Variants in CRACD observed in about 807,000 individuals in gnomAD.
The protein encoded by CRACD is capping protein inhibiting regulator of actin dynamics.
A neutral mutation model predicts 106.8 loss-of-function variants in CRACD; 56 were observed. The ratio of observed to expected loss-of-function variants is 0.52; its 90% CI spans 0.42 to 0.66. The LOEUF is 0.66. CRACD is among the 30% of genes least tolerant of loss of function. The pLI is 0.00. For synonymous variants in CRACD, 754 were observed against 670.8 expected, an observed-to-expected ratio of 1.12 and a Z score of -1.92; for missense variants, 1,730 against 1,623.2, an observed-to-expected ratio of 1.07 and a Z score of -1.13.
chr4:56,087,235 A>T (rs1430352090), intron 1 of CRACD, among the ~76,000 whole-genome samples: 1 of 151,366 alleles, frequency 6.6e-6, no homozygotes, highest in Non-Finnish European at 1.5e-5. Context: ...CTGATCTTGG[A>T]CTCCTGACCT....
Position 56,143,958 on chromosome 4 carries a change from A to G in CRACD, c.-335-35326A>G, listed in dbSNP as rs558248731. On this transcript the variant is annotated intron_variant, in intron 1 of 10. Coordinates refer to ENST00000682029, the MANE Select transcript of CRACD (RefSeq NM_001393381.1). ...GTAAATGCTACAATGAGGGAAATAT[A>G]TGGCGTGTGGGAAAAAATAAGAGGA... Among the ~76,000 whole-genome samples, 24 of 152,302 alleles carry G rather than the reference A, an allele frequency of 1.6e-4. No individual in the cohort carries two copies. In the South Asian group the frequency reaches 3.7e-3, roughly 24 times the overall value.
rs146107623 is a variant in CRACD at position 56,259,367 on chromosome 4, T to C, written c.-188-12954T>C. ...AATTGACGGTTGTCTCTTGAGGCCA[T>C]CTCCTGGTGGGAGAGTTCCAATTCT... On this transcript the variant is annotated intron_variant, in intron 2 of 10. Transcript: ENST00000682029. Among the ~76,000 whole-genome samples, 1,496 of 152,164 alleles carry C rather than the reference T, an allele frequency of 9.8e-3. 26 individuals are homozygous for C. The highest frequency in any genetic ancestry group is 0.034 in the African/African-American group (1,407 of 41,508).
intron 1 of CRACD, among the ~76,000 whole-genome samples, chr4:56,174,159 A>G (rs1441078835): frequency 6.6e-6 from 1 of 152,130 alleles, no homozygotes; most frequent in African/African-American, 2.4e-5. Flanking sequence ...TTTGATTTTT[A>G]AATTTTTAAT....
chr4:56,069,592 G>A (rs1453690235), intron 1 of CRACD, among the ~76,000 whole-genome samples: 3 of 152,200 alleles, frequency 2.0e-5, no homozygotes, highest in African/African-American at 7.2e-5. Context: ...TATGGGTTTA[G>A]AGAGCTCCTA....
chr4:56,126,527 A>G (rs986566554), intron 1 of CRACD, among the ~76,000 whole-genome samples: 1 of 152,226 alleles, frequency 6.6e-6, no homozygotes, highest in Non-Finnish European at 1.5e-5. Context: ...TAATTGACTT[A>G]GAATTTCACC....
chr4:56,238,303 C>T (rs1278222796), intron 2 of CRACD, among the ~76,000 whole-genome samples: 1 of 152,234 alleles, frequency 6.6e-6, no homozygotes, highest in Non-Finnish European at 1.5e-5. Flanking sequence ...ACAGCTAGGA[C>T]AGCTGGCATC....
At position 56,327,782 on chromosome 4, in the gene CRACD, A is replaced by C; in HGVS notation, c.3680A>C (p.Asp1227Ala). The change falls in exon 11 of 11, where the codon GAC becomes GCC. Residue 1227 changes from aspartate to alanine, a missense_variant. This residue lies in a region of CRACD where 15 missense variants were observed against 16.1 expected (regional missense o/e 0.93). Coordinates refer to ENST00000682029, the MANE Select transcript of CRACD (RefSeq NM_001393381.1). ...AAAAGGAAAGCAAAGGCTTGGAGCGACTGTCCACAGATTATTAAGTAAAGA... is the reference window on the plus strand; with the variant it reads ...AAAAGGAAAGCAAAGGCTTGGAGCGCCTGTCCACAGATTATTAAGTAAAGA... ...LAKRKAKAWS[D>A]CPQIIK 1 of 1,614,162 alleles carries C rather than the reference A, an allele frequency of 6.2e-7. No homozygotes were observed. The highest frequency in any genetic ancestry group is 8.5e-7 in the Non-Finnish European group (1 of 1,180,004).
chr4:56,154,608 G>C (rs1376834529), intron 1 of CRACD, among the ~76,000 whole-genome samples: 1 of 152,134 alleles, frequency 6.6e-6, no homozygotes, highest in Admixed American at 6.6e-5. Context: ...TCTGCATTAT[G>C]AATTCCCTTA....
intron 7 of CRACD, 135 bp downstream of exon 7, chr4:56,313,514 G>A (rs1475266869): frequency 3.8e-5 from 28 of 745,940 alleles, no homozygotes; most frequent in Admixed American, 8.5e-5. Flanking sequence ...AGTGTGTGGC[G>A]GTGTTGGGGA....
At chr4:56,054,615 A>T (rs1405941628) in intron 1 of CRACD, among the ~76,000 whole-genome samples, 5 of 152,254 alleles carry the variant, frequency 3.3e-5, no homozygotes, top group African/African-American at 1.2e-4. Context: ...TCACACATAT[A>T]TGAGAAGTAC....
intron 1 of CRACD, among the ~76,000 whole-genome samples, chr4:56,057,254 T>C (rs923679082): frequency 6.6e-6 from 1 of 152,202 alleles, no homozygotes; most frequent in Non-Finnish European, 1.5e-5. Context: ...CTGTAGTCTC[T>C]CCCTGCTAAT....
At chr4:56,168,388 G>A (rs73155155) in intron 1 of CRACD, among the ~76,000 whole-genome samples, 154 of 152,032 alleles carry the variant, frequency 1.0e-3, no homozygotes, top group African/African-American at 3.6e-3. Context: ...CCTGGGATAA[G>A]CATCACTTGG....
chr4:56,070,224 C>T (rs374778703), intron 1 of CRACD, among the ~76,000 whole-genome samples: 1 of 152,078 alleles, frequency 6.6e-6, no homozygotes, highest in Non-Finnish European at 1.5e-5. Flanking sequence ...TCCTCTCCTC[C>T]CGGTTCCACG....
chr4:56,294,556 G>T (rs777454), intron 3 of CRACD, among the ~76,000 whole-genome samples: 24,602 of 152,128 alleles, frequency 0.16, 3,689 homozygotes, highest in African/African-American at 0.38. Context: ...AGTTTAAAAA[G>T]TTATAGATTT....
chr4:56,092,323 C>T (rs1283135393), intron 1 of CRACD, among the ~76,000 whole-genome samples: 1 of 152,124 alleles, frequency 6.6e-6, no homozygotes, highest in African/African-American at 2.4e-5. Flanking sequence ...TCTTGGGCCC[C>T]GAGGAATAGT....
chr4:56,074,949 G>C (rs1367527190), intron 1 of CRACD, among the ~76,000 whole-genome samples: 3 of 152,112 alleles, frequency 2.0e-5, no homozygotes. Flanking sequence ...ACAATCATGT[G>C]GTTTTTGTGA....
chr4:56,280,167 T>A, intron 3 of CRACD, among the ~76,000 whole-genome samples: 1 of 137,354 alleles, frequency 7.3e-6, no homozygotes, highest in African/African-American at 2.6e-5. Context: ...GGGGGAGGGA[T>A]AGCATTAGGA....
At chr4:56,224,276 A>G (rs1739188049) in intron 2 of CRACD, among the ~76,000 whole-genome samples, 1 of 152,166 alleles carries the variant, frequency 6.6e-6, no homozygotes, top group South Asian at 2.1e-4. Flanking sequence ...TTTAAAAATG[A>G]CTTGAAATTT....
intron 2 of CRACD, among the ~76,000 whole-genome samples, chr4:56,270,846 C>G (rs903795815): frequency 2.6e-5 from 4 of 152,086 alleles, no homozygotes; most frequent in African/African-American, 9.6e-5. Flanking sequence ...CTTTGGGAGG[C>G]CAAGGCGGAC....
Sources: gnomAD v4.1 joint callset for allele counts (sites outside exome capture counted in the v4.1 genomes callset) on GRCh38, gnomAD v4.1.1 for gene constraint, gnomAD v4.1.1 regional missense constraint, MANE v1.5 for transcripts, NCBI Gene and HGNC (gene_info 2026-07-23, HGNC 2026-07-21) for gene names.